SULF1: variants seen among roughly 807,000 people sequenced by gnomAD.
The protein encoded by SULF1 is sulfatase 1.
Under a neutral mutation model 110.5 loss-of-function variants are expected in SULF1, and 46 were observed. The observed-to-expected ratio is 0.42, with a 90% confidence interval of 0.33 to 0.53. The LOEUF is 0.53. Ranked by LOEUF, SULF1 falls within the 20% of genes least tolerant of loss-of-function variation. The pLI is 0.12. For synonymous variants in SULF1, 371 were observed against 387.1 expected (o/e 0.96, Z 0.49); for missense variants, 941 against 1,094.2 (o/e 0.86, Z 1.98).
At chr8:69,511,643 G>GC (rs770284561) in intron 3 of SULF1, among the ~76,000 whole-genome samples, 5 of 152,306 alleles carry the variant, frequency 3.3e-5, no homozygotes, top group South Asian at 2.1e-4. Flanking sequence ...CACATGCACA[G>GC]CCCCTCCATT....
intron 3 of SULF1, among the ~76,000 whole-genome samples, chr8:69,532,211 T>C (rs1418683305): frequency 6.6e-6 from 1 of 152,234 alleles, no homozygotes; most frequent in Non-Finnish European, 1.5e-5. Flanking sequence ...CCTCGAACTT[T>C]ATCTTTTTCA....
At chr8:69,596,613 T>C (rs1349734498) in intron 8 of SULF1, among the ~76,000 whole-genome samples, 1 of 152,014 alleles carries the variant, frequency 6.6e-6, no homozygotes, top group East Asian at 1.9e-4. Flanking sequence ...TTTTAATGAG[T>C]GGGATTTTTG....
intron 22 of SULF1, among the ~76,000 whole-genome samples, chr8:69,642,044 A>G (rs557481251): frequency 6.6e-6 from 1 of 152,310 alleles, no homozygotes; most frequent in South Asian, 2.1e-4. Flanking sequence ...AAACTGAGGC[A>G]CAGACGTTAC....
rs184266678 is a variant in SULF1 at position 69,653,497 on chromosome 8, G to A, written c.2586-5008G>A. On this transcript the variant is annotated intron_variant, in intron 22 of 22. Transcript: ENST00000402687. The stretch of plus-strand genomic sequence containing the variant: ...GCTAAGGTCCAGATGGGTCCCAAAC[G>A]CAGAAGCTTCTGTCCTTGAGTTCGA... Among the ~76,000 whole-genome samples, 499 of 152,342 alleles carry A rather than the reference G, an allele frequency of 3.3e-3. 3 individuals carry two copies. The highest frequency in any genetic ancestry group is 0.02 in the Middle Eastern group (6 of 294).
chr8:69,557,658 T>C (rs983619935), intron 3 of SULF1, among the ~76,000 whole-genome samples: 1 of 152,122 alleles, frequency 6.6e-6, no homozygotes, highest in African/African-American at 2.4e-5. Flanking sequence ...ATTGAAAAAA[T>C]TCAATATATA....
rs181706885 is a variant in SULF1, at chr8:69,567,429, A to G, written c.172+3282A>G. On this transcript the variant is annotated intron_variant, in intron 5 of 22. Transcript: ENST00000402687. ...GTACATTTACATTGGTGTGTAACCC[A>G]TCTCCAGAACTCTTTCCATCTTACA... Among the ~76,000 whole-genome samples the G allele has an allele frequency of 4.3e-4, 66 of 152,272 alleles. No homozygotes were observed. The East Asian group carries it at 9.7e-3, about 22-fold the overall frequency.
intron 3 of SULF1, among the ~76,000 whole-genome samples, chr8:69,504,124 T>C (rs1811002084): frequency 6.6e-6 from 1 of 151,972 alleles, no homozygotes; most frequent in East Asian, 1.9e-4. Flanking sequence ...CAATGCCATG[T>C]TGTTTGTTAT....
intron 3 of SULF1, among the ~76,000 whole-genome samples, chr8:69,549,986 G>A (rs541356789): frequency 6.6e-6 from 1 of 152,016 alleles, no homozygotes; most frequent in East Asian, 1.9e-4. Context: ...ATGGTGTGTG[G>A]CTGCAATACT....
intron 8 of SULF1, among the ~76,000 whole-genome samples, chr8:69,599,935 T>C (rs1209197919): frequency 1.3e-5 from 2 of 152,184 alleles, no homozygotes; most frequent in Non-Finnish European, 2.9e-5. Flanking sequence ...TAGGACAATA[T>C]CCTTGTGGCT....
intron 3 of SULF1, among the ~76,000 whole-genome samples, chr8:69,554,874 G>A (rs1295029425): frequency 6.6e-6 from 1 of 151,198 alleles, no homozygotes; most frequent in Non-Finnish European, 1.5e-5. Flanking sequence ...AGCTACTCGG[G>A]AGGCTGAGGT....
At chr8:69,591,970 G>A (rs921359958) in intron 8 of SULF1, among the ~76,000 whole-genome samples, 1 of 152,326 alleles carries the variant, frequency 6.6e-6, no homozygotes, top group African/African-American at 2.4e-5. Flanking sequence ...GGCAGGATGG[G>A]CAAGTGTCCC....
At chr8:69,473,435 T>A (rs899581409) in intron 1 of SULF1, 1 of 152,168 alleles carries the variant, frequency 6.6e-6, no homozygotes, top group Admixed American at 6.5e-5. Context: ...AATCTATAAA[T>A]TTTGGGTCGT....
At position 69,647,915 on chromosome 8, in the gene SULF1, AT is replaced by A. The variant is rs550623739; in HGVS notation, c.2585+7079del. 2.0e-3 allele frequency among the ~76,000 whole-genome samples: 302 copies of A among 151,538 alleles called. 1 individual carries two copies. Among genetic ancestry groups the A allele is most frequent in the Non-Finnish European group, 3.3e-3 (227 of 67,774 alleles). On this transcript the variant is annotated intron_variant, in intron 22 of 22. Coordinates refer to ENST00000402687, the MANE Select transcript of SULF1 (RefSeq NM_001128205.2). ...CTCAAAAAAGAAAGAAATTTATGGT[AT>A]TTTTACTATGGCCAATTCTGATTTT...
intron 1 of SULF1, chr8:69,469,205 AT>A (rs1293146347): frequency 6.6e-6 from 1 of 152,246 alleles, no homozygotes; most frequent in Non-Finnish European, 1.5e-5. Context: ...AGACATATTT[AT>A]GGCGACCTCT....
chr8:69,588,226 G>T (rs1303463309), intron 7 of SULF1, among the ~76,000 whole-genome samples: 1 of 151,724 alleles, frequency 6.6e-6, no homozygotes, highest in East Asian at 1.9e-4. Context: ...AGCCCCCCCT[G>T]ACTGTGGGTT....
At chr8:69,522,029 GGAGA>G (rs1366791473) in intron 3 of SULF1, among the ~76,000 whole-genome samples, 5 of 151,008 alleles carry the variant, frequency 3.3e-5, no homozygotes, top group Admixed American at 3.3e-4. Flanking sequence ...AGAGAGACAG[GGAGA>G]GAGAGAGATG....
intron 19 of SULF1, among the ~76,000 whole-genome samples, chr8:69,637,053 T>G (rs745870384): frequency 6.6e-6 from 1 of 152,204 alleles, no homozygotes; most frequent in South Asian, 2.1e-4. Flanking sequence ...TGTTGTTGCA[T>G]AGAATAAGAG....
chr8:69,516,902 G>A (rs563132354), intron 3 of SULF1, among the ~76,000 whole-genome samples: 4 of 152,198 alleles, frequency 2.6e-5, no homozygotes, highest in African/African-American at 7.2e-5. Context: ...TAAGCATAAA[G>A]TTTAAAGTTT....
At chr8:69,603,543 G>T in intron 11 of SULF1, 57 bp from the exon 12 acceptor site, 3 of 1,428,694 alleles carry the variant, frequency 2.1e-6, no homozygotes, top group Non-Finnish European at 2.0e-6. Context: ...TGTTAGCACA[G>T]ATCCATTTGG....
Sources: gnomAD v4.1 joint callset for allele counts (sites outside exome capture counted in the v4.1 genomes callset) on GRCh38, gnomAD v4.1.1 for gene constraint, MANE v1.5 for transcripts, NCBI Gene and HGNC (gene_info 2026-07-23, HGNC 2026-07-21) for gene names.